Variants in USH2A observed in about 807,000 individuals in gnomAD.
USH2A encodes Usher syndrome 2A (autosomal recessive, mild).
In USH2A, 443 loss-of-function variants were observed where a neutral mutation model predicts 538.9. The observed-to-expected ratio is 0.82, with a 90% CI of 0.76 to 0.89. USH2A has a LOEUF of 0.89. Ranked by LOEUF, USH2A falls within the 40% of genes least tolerant of loss-of-function variation. The probability of loss-of-function intolerance (pLI) is 0.00; values close to 1 mark genes in which losing one functional copy is unlikely to be tolerated. For synonymous variants in USH2A, 2,413 were observed against 2,273.5 expected (o/e 1.06, Z -1.75); for missense variants, 6,633 against 6,324.8 (o/e 1.05, Z -1.65).
Position 215,997,586 on chromosome 1 carries a change from T to C in USH2A, c.6657+1301A>G, listed in dbSNP as rs1668170151. Among the ~76,000 whole-genome samples, 3 of 152,042 alleles carry C rather than the reference T, an allele frequency of 2.0e-5. No homozygotes were observed. The South Asian group carries it at 6.2e-4, about 31-fold the overall frequency. ...CAAGGTATTATAGATTTATAAAATC[T>C]AGGAGATTGATATGAATTGATTGAC... On this transcript the variant is annotated intron_variant, in intron 34 of 71. Coordinates refer to ENST00000307340, the MANE Select transcript of USH2A (RefSeq NM_206933.4).
At chr1:215,836,526 TTA>T (rs370622396) in intron 47 of USH2A, among the ~76,000 whole-genome samples, 801 of 26,394 alleles carry the variant, frequency 0.03, 68 homozygotes, top group African/African-American at 0.075. Context: ...ATAATATATA[TTA>T]TATATATATA....
At chr1:215,885,594 A>G in intron 41 of USH2A, among the ~76,000 whole-genome samples, 1 of 152,170 alleles carries the variant, frequency 6.6e-6, no homozygotes, top group East Asian at 1.9e-4. Context: ...CTTGTAATCA[A>G]ATAAGATTTT....
chr1:216,089,151 G>GTATAAATA lies in USH2A; in HGVS notation c.4759-13_4759-12insTATTTATA. 6.2e-7 allele frequency: 1 copy of GTATAAATA among 1,610,802 alleles called. No homozygotes were observed. Among genetic ancestry groups the GTATAAATA allele is most frequent in the Non-Finnish European group, 8.5e-7 (1 of 1,177,660 alleles). ...TCCACTGGTGACCCCTTAAGGGAAT[G>GTATAAATA]AATGAATAAATAAATGTTTATACAT... On this transcript the variant is annotated splice_polypyrimidine_tract_variant and intron_variant, in intron 22 of 71. Transcript: ENST00000307340.
intron 44 of USH2A, among the ~76,000 whole-genome samples, chr1:215,848,067 T>C (rs758729379): frequency 1.3e-5 from 2 of 152,192 alleles, no homozygotes; most frequent in Non-Finnish European, 2.9e-5. Flanking sequence ...GAGGTCATTA[T>C]TGATCATCGG....
intron 4 of USH2A, among the ~76,000 whole-genome samples, chr1:216,336,117 G>A (rs1443767899): frequency 4.6e-5 from 7 of 151,346 alleles, no homozygotes; most frequent in African/African-American, 1.2e-4. Context: ...TTCAATGTAC[G>A]AAAAGTAATC....
At position 215,932,274 on chromosome 1, in the gene USH2A, C is replaced by T. The variant is rs186793211; in HGVS notation, c.7300+2342G>A. Among the ~76,000 whole-genome samples the T allele has an allele frequency of 1.5e-3, 222 of 151,990 alleles. 2 individuals are homozygous for T. Among genetic ancestry groups the T allele is most frequent in the Middle Eastern group, 3.4e-3 (1 of 294 alleles). ...CTCTGCCCATAAGTTGGTTTGCCTC[C>T]GTATATTGGTCCATTTATTATTCAT... On this transcript the variant is annotated intron_variant, in intron 38 of 71. Coordinates refer to ENST00000307340, the MANE Select transcript of USH2A (RefSeq NM_206933.4).
intron 15 of USH2A, among the ~76,000 whole-genome samples, chr1:216,209,643 C>T (rs983630921): frequency 4.0e-5 from 6 of 151,532 alleles, no homozygotes; most frequent in African/African-American, 1.5e-4. Context: ...ATTTATACAC[C>T]ATACACACAC....
At chr1:216,192,753 C>T (rs892627279) in intron 19 of USH2A, among the ~76,000 whole-genome samples, 29 of 151,796 alleles carry the variant, frequency 1.9e-4, no homozygotes, top group Admixed American at 6.6e-4. Context: ...TGTCCTTATT[C>T]CAGTTCAGCC....
At chr1:216,388,150 G>A (rs892796273) in intron 3 of USH2A, among the ~76,000 whole-genome samples, 1 of 152,156 alleles carries the variant, frequency 6.6e-6, no homozygotes, top group Non-Finnish European at 1.5e-5. Context: ...ACGAGTTTAA[G>A]TATAACCATT....
Position 215,998,878 on chromosome 1 carries a change from TAA to T in USH2A, c.6657+7_6657+8del. 1 of 1,612,116 alleles carries T rather than the reference TAA, an allele frequency of 6.2e-7. No individual in the cohort carries two copies. Among genetic ancestry groups the T allele is most frequent in the Non-Finnish European group, 8.5e-7 (1 of 1,178,854 alleles). ...ATGGGGACAGAGAAAGTGATGGAAA[TAA>T]ACTTACTCCCAGCTTGATGAGATAT... On this transcript the variant is annotated splice_region_variant and intron_variant, in intron 34 of 71. Transcript: ENST00000307340.
rs780346960 is a variant in USH2A, at chr1:216,175,383, A to T, written c.4496T>A (p.Ile1499Lys). 3.1e-6 allele frequency: 5 copies of T among 1,613,792 alleles called. No individual in the cohort carries two copies. Among genetic ancestry groups the T allele is most frequent in the Non-Finnish European group, 4.2e-6 (5 of 1,179,862 alleles). The change falls in exon 21 of 72, where the codon ATA (isoleucine) becomes AAA (lysine). Residue 1499 changes from isoleucine to lysine, a missense_variant. Ile to Lys is a moderately radical substitution (Grantham distance 102). Coordinates refer to ENST00000307340, the MANE Select transcript of USH2A (RefSeq NM_206933.4). ...PPEELNGPSP[I>K]YQLERRESSL... ...TGACTCTCTCCTTTCCAGCTGATAT[A>T]TAGGAGAGGGTCCATTCAGTTCTTC...
chr1:216,039,575 T>G (rs1209980335), intron 32 of USH2A, among the ~76,000 whole-genome samples: 1 of 151,990 alleles, frequency 6.6e-6, no homozygotes, highest in African/African-American at 2.4e-5. Flanking sequence ...GTTATTTCAA[T>G]GTACTGCAAT....
chr1:216,009,761 C>T (rs11120711), intron 32 of USH2A, among the ~76,000 whole-genome samples: 70,846 of 151,858 alleles, frequency 0.47, 17,051 homozygotes, highest in East Asian at 0.69. Flanking sequence ...CTTTTATCAC[C>T]TCCCCTCCTT....
intron 4 of USH2A, among the ~76,000 whole-genome samples, chr1:216,345,778 T>A (rs1219161937): frequency 1.3e-5 from 2 of 152,122 alleles, no homozygotes; most frequent in Non-Finnish European, 2.9e-5. Flanking sequence ...GCTAGTTATG[T>A]CCTTGGGAGC....
chr1:215,628,031 T>C (rs986636056), intron 71 of USH2A, among the ~76,000 whole-genome samples: 2 of 152,196 alleles, frequency 1.3e-5, no homozygotes, highest in Non-Finnish European at 2.9e-5. Flanking sequence ...ACTGAAATTA[T>C]GAAAGATGAA....
intron 47 of USH2A, among the ~76,000 whole-genome samples, chr1:215,822,594 C>T (rs767255136): frequency 2.6e-4 from 39 of 151,976 alleles, no homozygotes; most frequent in African/African-American, 5.3e-4. Context: ...TATCCCTTTC[C>T]GATTTGGATG....
chr1:216,031,555 A>T (rs942109250), intron 32 of USH2A, among the ~76,000 whole-genome samples: 1 of 152,110 alleles, frequency 6.6e-6, no homozygotes, highest in East Asian at 1.9e-4. Context: ...GTTCTAACCC[A>T]CTTGTCCTTA....
chr1:216,040,539 C>T (rs1011811171), intron 32 of USH2A, among the ~76,000 whole-genome samples: 10 of 151,924 alleles, frequency 6.6e-5, no homozygotes, highest in Admixed American at 1.3e-4. Context: ...TTCTTAAAAA[C>T]GGCCAGTTTC....
At chr1:216,042,915 A>G (rs1444192850) in intron 32 of USH2A, among the ~76,000 whole-genome samples, 6 of 152,074 alleles carry the variant, frequency 3.9e-5, no homozygotes, top group African/African-American at 1.4e-4. Context: ...ATGTGCACCT[A>G]CAGTGAGGAG....
Sources: allele counts gnomAD v4.1 joint callset (sites outside exome capture counted in the v4.1 genomes callset), GRCh38; gene constraint gnomAD v4.1.1; transcripts MANE v1.5; gene names NCBI Gene and HGNC (gene_info 2026-07-23, HGNC 2026-07-21).